The following AP3B1 variants were observed in gnomAD, a reference collection of about 807,000 sequenced individuals.
The protein encoded by AP3B1 is adaptor related protein complex 3 subunit beta 1, also known as AP-3 complex subunit beta-1.
Under a neutral mutation model 132.5 loss-of-function variants are expected in AP3B1, and 61 were observed. The ratio of observed to expected loss-of-function variants is 0.46; its 90% CI spans 0.37 to 0.57. The LOEUF (loss-of-function observed/expected upper bound fraction) is 0.57. Among genes scored for constraint, AP3B1 ranks in the 20% least tolerant of loss-of-function variants. The pLI is 0.00. For missense variants in AP3B1, 1,120 were observed against 1,289.4 expected, an observed-to-expected ratio of 0.87 and a Z score of 2.01; for synonymous variants, 388 against 438.3, an observed-to-expected ratio of 0.89 and a Z score of 1.43.
intron 15 of AP3B1, among the ~76,000 whole-genome samples, chr5:78,132,185 T>C (rs922826840): frequency 6.6e-6 from 1 of 152,188 alleles, no homozygotes; most frequent in African/African-American, 2.4e-5. Context: ...GAATAAGCAG[T>C]TTGTTCGCAT....
chr5:78,216,009 C>G (rs1391661814), intron 7 of AP3B1, 46 bp downstream of exon 7: 2 of 1,598,656 alleles, frequency 1.3e-6, no homozygotes, highest in Admixed American at 3.3e-5. Context: ...AAAAGCTCAT[C>G]CATTCTCTTA....
At chr5:78,201,536 T>C (rs558299219) in intron 7 of AP3B1, among the ~76,000 whole-genome samples, 1 of 152,296 alleles carries the variant, frequency 6.6e-6, no homozygotes, top group African/African-American at 2.4e-5. Flanking sequence ...CTCCAAAATA[T>C]TATGCTGAGT....
intron 1 of AP3B1, among the ~76,000 whole-genome samples, chr5:78,274,032 G>GAA (rs57157997): frequency 4.9e-4 from 45 of 91,550 alleles, no homozygotes; most frequent in African/African-American, 1.6e-3. Context: ...AGAAAAAAAG[G>GAA]AAAAAAAAAA....
At chr5:78,205,779 G>C (rs1306695779) in intron 7 of AP3B1, among the ~76,000 whole-genome samples, 1 of 152,092 alleles carries the variant, frequency 6.6e-6, no homozygotes, top group Admixed American at 6.6e-5. Flanking sequence ...TGCTAGACAA[G>C]TACATGAATT....
chr5:78,235,652 G>T (rs1434379331), intron 3 of AP3B1, among the ~76,000 whole-genome samples: 1 of 152,190 alleles, frequency 6.6e-6, no homozygotes, highest in African/African-American at 2.4e-5. Context: ...AAAGCTCCGT[G>T]ACTACATCAT....
intron 7 of AP3B1, among the ~76,000 whole-genome samples, chr5:78,212,067 G>A (rs1745761706): frequency 6.6e-6 from 1 of 152,216 alleles, no homozygotes; most frequent in Non-Finnish European, 1.5e-5. Context: ...ATCACTTGAG[G>A]TCAGGAGTTC....
At chr5:78,086,293 C>G (rs1172141038) in intron 22 of AP3B1, among the ~76,000 whole-genome samples, 1 of 152,124 alleles carries the variant, frequency 6.6e-6, no homozygotes, top group Admixed American at 6.6e-5. Context: ...CTTTATAAAG[C>G]TGCACTAATG....
At chr5:78,252,955 C>T (rs933553412) in intron 2 of AP3B1, among the ~76,000 whole-genome samples, 1 of 152,172 alleles carries the variant, frequency 6.6e-6, no homozygotes, top group Non-Finnish European at 1.5e-5. Flanking sequence ...CAGGTCTGAC[C>T]CAGCACATAG....
intron 24 of AP3B1, 108 bp downstream of exon 24, chr5:78,034,253 G>T: frequency 1.2e-6 from 1 of 838,284 alleles, no homozygotes; most frequent in Non-Finnish European, 2.0e-6. Context: ...AAACATATTT[G>T]TTTAAATGTT....
At chr5:78,031,041 C>T (rs778903992) in intron 24 of AP3B1, among the ~76,000 whole-genome samples, 1 of 152,076 alleles carries the variant, frequency 6.6e-6, no homozygotes, top group Non-Finnish European at 1.5e-5. Flanking sequence ...CTTTTCTTTC[C>T]TGCCAGAGCT....
intron 3 of AP3B1, among the ~76,000 whole-genome samples, chr5:78,230,671 C>A (rs571692997): frequency 7.1e-6 from 1 of 141,618 alleles, no homozygotes; most frequent in Admixed American, 7.9e-5. Flanking sequence ...GTTCCACTTC[C>A]CCAAGTTCCA....
intron 6 of AP3B1, among the ~76,000 whole-genome samples, chr5:78,218,140 A>G (rs746256112): frequency 1.3e-5 from 2 of 152,146 alleles, no homozygotes; most frequent in African/African-American, 2.4e-5. Flanking sequence ...ATCATTTTAG[A>G]TACTTAATCA....
At chr5:78,159,809 A>G (rs1005460096) in intron 13 of AP3B1, among the ~76,000 whole-genome samples, 2 of 152,142 alleles carry the variant, frequency 1.3e-5, no homozygotes, top group African/African-American at 4.8e-5. Flanking sequence ...CTTCTCCTTT[A>G]TGGTACCTCT....
chr5:78,234,482 G>C (rs12516587), intron 3 of AP3B1, among the ~76,000 whole-genome samples: 27,928 of 152,078 alleles, frequency 0.18, 2,823 homozygotes, highest in Admixed American at 0.27. Flanking sequence ...TAGATTTAAA[G>C]TTCCTAAGAA....
chr5:78,224,004 G>A (rs1273042741), intron 6 of AP3B1, among the ~76,000 whole-genome samples: 1 of 152,090 alleles, frequency 6.6e-6, no homozygotes, highest in Non-Finnish European at 1.5e-5. Context: ...TCTGCTTCTT[G>A]TAGATCTTAC....
intron 1 of AP3B1, among the ~76,000 whole-genome samples, chr5:78,280,401 T>C (rs1362718429): frequency 2.6e-5 from 4 of 152,330 alleles, no homozygotes; most frequent in African/African-American, 9.6e-5. Context: ...AATTAATTAG[T>C]ATTACAGAAT....
intron 7 of AP3B1, among the ~76,000 whole-genome samples, chr5:78,205,454 C>T (rs556375441): frequency 6.6e-5 from 10 of 151,782 alleles, no homozygotes; most frequent in South Asian, 2.1e-4. Context: ...CACACACACA[C>T]GCACACAAAT....
chr5:78,104,467 T>C (rs1176758532), intron 20 of AP3B1, among the ~76,000 whole-genome samples: 1 of 152,130 alleles, frequency 6.6e-6, no homozygotes, highest in Non-Finnish European at 1.5e-5. Flanking sequence ...ACTTAAAATA[T>C]AAATGAAATC....
chr5:78,184,196 G>A (rs1190967624), intron 7 of AP3B1, among the ~76,000 whole-genome samples: 1 of 151,392 alleles, frequency 6.6e-6, no homozygotes, highest in Admixed American at 6.6e-5. Flanking sequence ...AAAGTTTAAA[G>A]AAAGAAATAG....
Sources: allele counts gnomAD v4.1 joint callset (sites outside exome capture counted in the v4.1 genomes callset), GRCh38; gene constraint gnomAD v4.1.1; transcripts MANE v1.5; gene names NCBI Gene and HGNC (gene_info 2026-07-23, HGNC 2026-07-21).